The following INTS8 variants were observed in gnomAD, a reference collection of about 807,000 sequenced individuals.
INTS8 encodes the protein integrator complex subunit 8.
A neutral mutation model predicts 138.9 loss-of-function variants in INTS8; 47 were observed. That is an observed-to-expected ratio of 0.34 (90% CI 0.27 to 0.43). The LOEUF is 0.43. Among genes scored for constraint, INTS8 ranks in the 20% least tolerant of loss-of-function variants. The probability of loss-of-function intolerance (pLI) is 1.00; values close to 1 mark genes in which losing one functional copy is unlikely to be tolerated. For synonymous variants in INTS8, 392 were observed against 400.9 expected, an observed-to-expected ratio of 0.98 and a Z score of 0.27; for missense variants, 996 against 1,173.0, an observed-to-expected ratio of 0.85 and a Z score of 2.20.
At chr8:94,867,934 T>C (rs1296651184) in intron 20 of INTS8, 1 of 152,230 alleles carries the variant, frequency 6.6e-6, no homozygotes, top group East Asian at 1.9e-4. Flanking sequence ...AGAATGACTT[T>C]CTATCAGGTT....
intron 18 of INTS8, 27 bp downstream of exon 18, chr8:94,866,218 T>G: frequency 1.7e-6 from 2 of 1,165,090 alleles, no homozygotes; most frequent in Non-Finnish European, 2.5e-6. Flanking sequence ...ATTGCTCTAA[T>G]TACTATTGCT....
chr8:94,859,440 G>T, intron 15 of INTS8, 71 bp from the exon 16 acceptor site: 2 of 1,454,140 alleles, frequency 1.4e-6, no homozygotes, highest in Non-Finnish European at 1.9e-6. Flanking sequence ...TGAAATCTGA[G>T]CAAGTATTTG....
chr8:94,824,915 A>G lies in INTS8; in HGVS notation c.153A>G (p.Ile51Met). ...TAGATCCTGCACCAGTTCAACTTATAGTTCAGTTTTTGGAACAGGCTTCCA... is the reference window on the plus strand; with the variant it reads ...TAGATCCTGCACCAGTTCAACTTATGGTTCAGTTTTTGGAACAGGCTTCCA... ...PCPDPAPVQL[I>M]VQFLEQASKP... Residue 51 changes from isoleucine to methionine, a missense_variant, in exon 2 of 27, where the codon ATA (isoleucine) becomes ATG (methionine). Ile to Met is a conservative substitution (Grantham distance 10, BLOSUM62 1). Transcript: ENST00000523731. The G allele has an allele frequency of 6.2e-7, 1 of 1,611,024 alleles. No homozygotes were observed. Among genetic ancestry groups the G allele is most frequent in the Middle Eastern group, 1.7e-4 (1 of 6,044 alleles).
chr8:94,834,642 G>A (rs1009130007), intron 6 of INTS8, among the ~76,000 whole-genome samples: 3 of 151,236 alleles, frequency 2.0e-5, no homozygotes, highest in Admixed American at 6.6e-5. Context: ...AGAGGAGATT[G>A]CAGTGAGCCG....
intron 7 of INTS8, among the ~76,000 whole-genome samples, chr8:94,837,894 T>G (rs1490603892): frequency 6.6e-6 from 1 of 152,140 alleles, no homozygotes; most frequent in Non-Finnish European, 1.5e-5. Context: ...TTTGCATAGT[T>G]TACGGCCCAC....
chr8:94,831,824 C>T (rs1467720915), intron 5 of INTS8, among the ~76,000 whole-genome samples, 168 bp from the exon 6 acceptor site: 3 of 152,148 alleles, frequency 2.0e-5, no homozygotes, highest in Non-Finnish European at 4.4e-5. Context: ...GAACTTATTT[C>T]CCTTCATTTA....
intron 6 of INTS8, among the ~76,000 whole-genome samples, chr8:94,835,543 T>G (rs1814891914): frequency 6.6e-6 from 1 of 152,194 alleles, no homozygotes; most frequent in Non-Finnish European, 1.5e-5. Flanking sequence ...CCAGCGTTTT[T>G]TCCCTCTCCT....
chr8:94,868,847 T>A (rs1373026806), intron 20 of INTS8: 2 of 152,116 alleles, frequency 1.3e-5, no homozygotes. Flanking sequence ...TTTATTTGTA[T>A]TTTTAGTAGA....
rs1205780247 is a variant in INTS8, at chr8:94,867,301, C to A, written c.2378C>A (p.Ala793Asp). ...VREDIVNDIT[A>D]EHISIWPSSI... Reference sequence around the variant, plus strand: ...GAGGACATTGTGAATGATATTACAGCTGAACACATTTCTATTTGGCCATCT... The same window carrying A: ...GAGGACATTGTGAATGATATTACAGATGAACACATTTCTATTTGGCCATCT... Residue 793 changes from alanine to aspartate, a missense_variant, in exon 20 of 27, where the codon GCT (alanine) becomes GAT (aspartate). Ala to Asp is a moderately radical substitution (Grantham distance 126). Transcript: ENST00000523731. 6.2e-7 allele frequency: 1 copy of A among 1,611,900 alleles called. No individual in the cohort carries two copies. Among genetic ancestry groups the A allele is most frequent in the Non-Finnish European group, 8.5e-7 (1 of 1,178,884 alleles).
intron 18 of INTS8, chr8:94,866,931 T>C: frequency 2.1e-6 from 1 of 486,800 alleles, no homozygotes; most frequent in East Asian, 3.3e-5. Flanking sequence ...ATGCTAATTT[T>C]ATGTAAATTA....
chr8:94,827,645 C>A, intron 3 of INTS8, 77 bp from the exon 4 acceptor site: 1 of 1,231,460 alleles, frequency 8.1e-7, no homozygotes, highest in Non-Finnish European at 1.2e-6. Context: ...TTTATACAAA[C>A]CTAAGGAGTA....
In INTS8 at chr8:94,853,847, A is replaced by C. The variant is rs1485223812; in HGVS notation, c.1684A>C (p.Lys562Gln). The C allele has an allele frequency of 1.2e-6, 2 of 1,612,016 alleles. No homozygotes were observed. The highest frequency in any genetic ancestry group is 1.7e-6 in the Non-Finnish European group (2 of 1,178,106). The part of the protein sequence containing the change: ...SVYSGVILGI[K>Q]DNLTRDLVYI... ...CTATAGTGGTGTTATCCTGGGAATT[A>C]AAGACAATTTAACAAGAGATTTGGT... The change falls in exon 14 of 27, where the codon AAA (lysine) becomes CAA (glutamine). Residue 562 changes from lysine to glutamine, a missense_variant. By Grantham distance (53) the Lys-to-Gln change is moderately conservative. Transcript: ENST00000523731.
At chr8:94,838,822 A>G (rs558013638) in intron 8 of INTS8, among the ~76,000 whole-genome samples, 5 of 152,350 alleles carry the variant, frequency 3.3e-5, no homozygotes, top group Admixed American at 1.3e-4. Flanking sequence ...CACAAATTCT[A>G]AGGCAAAGCA....
At chr8:94,843,996 G>A (rs1337951433) in intron 10 of INTS8, among the ~76,000 whole-genome samples, 2 of 144,782 alleles carry the variant, frequency 1.4e-5, no homozygotes, top group African/African-American at 5.0e-5. Flanking sequence ...CAAGTGTTAT[G>A]CCTCTTTTTT....
intron 12 of INTS8, among the ~76,000 whole-genome samples, chr8:94,850,828 GA>G (rs1482479059): frequency 2.0e-5 from 3 of 151,934 alleles, no homozygotes; most frequent in African/African-American, 7.2e-5. Context: ...TGCCTTGTTT[GA>G]TTTTTTTTTC....
chr8:94,880,453 T>TA lies in INTS8; in HGVS notation c.*219_*220insA. On this transcript the variant is annotated 3_prime_UTR_variant, in exon 27 of 27. Coordinates refer to ENST00000523731, the MANE Select transcript of INTS8 (RefSeq NM_017864.4). Reference sequence around the variant, plus strand: ...TTCAAAGGGAGAAGAGATTCACATATCTGATAACAAAATAAACTAGCAATC... The same window carrying TA: ...TTCAAAGGGAGAAGAGATTCACATATACTGATAACAAAATAAACTAGCAATC... 3.0e-6 allele frequency: 1 copy of TA among 329,780 alleles called. No homozygotes were observed. 20.4% of individuals were successfully genotyped at this position (329,780 alleles called of 1,614,324 possible).
chr8:94,881,257 C>G lies in INTS8; in HGVS notation c.*1023C>G. On this transcript the variant is annotated 3_prime_UTR_variant, in exon 27 of 27. Coordinates refer to ENST00000523731, the MANE Select transcript of INTS8 (RefSeq NM_017864.4). The stretch of plus-strand genomic sequence containing the variant: ...TCAAAGTACTGTATCACTTAGTATA[C>G]CCTTTAAGGTAGCACTTATCCAGTC... 1 of 350,872 alleles carries G rather than the reference C, an allele frequency of 2.9e-6. No individual in the cohort carries two copies. Among genetic ancestry groups the G allele is most frequent in the Non-Finnish European group, 5.1e-6 (1 of 197,184 alleles). 21.7% of individuals were successfully genotyped at this position (350,872 alleles called of 1,614,324 possible).
At chr8:94,835,834 G>A (rs1049428878) in intron 6 of INTS8, among the ~76,000 whole-genome samples, 2 of 152,048 alleles carry the variant, frequency 1.3e-5, no homozygotes, top group African/African-American at 2.4e-5. Flanking sequence ...TCTTGACCTC[G>A]TGATCCACCC....
chr8:94,842,988 T>C (rs1815190675), intron 10 of INTS8, among the ~76,000 whole-genome samples: 1 of 152,176 alleles, frequency 6.6e-6, no homozygotes, highest in Non-Finnish European at 1.5e-5. Flanking sequence ...CTTCCAAAAA[T>C]ACAACGTTGC....
Sources: allele counts gnomAD v4.1 joint callset (sites outside exome capture counted in the v4.1 genomes callset), GRCh38; gene constraint gnomAD v4.1.1; transcripts MANE v1.5; gene names NCBI Gene and HGNC (gene_info 2026-07-23, HGNC 2026-07-21).